The following FANCD2 variants were observed in gnomAD, a reference collection of about 807,000 sequenced individuals.
The protein encoded by FANCD2 is Fanconi anemia group D2 protein.
In FANCD2, 131 loss-of-function variants were observed where a neutral mutation model predicts 192.3. That is an observed-to-expected ratio of 0.68 (90% CI 0.59 to 0.79). The LOEUF (loss-of-function observed/expected upper bound fraction) is 0.79. Ranked by LOEUF, FANCD2 falls within the 30% of genes least tolerant of loss-of-function variation. FANCD2 has a pLI of 0.00. For synonymous variants in FANCD2, 524 were observed against 612.5 expected (o/e 0.86, Z 2.13); for missense variants, 1,508 against 1,701.6 (o/e 0.89, Z 2.00).
intron 36 of FANCD2, among the ~76,000 whole-genome samples, chr3:10,089,295 A>AAG (rs1694436860): frequency 1.3e-5 from 2 of 151,900 alleles, no homozygotes. Context: ...CAAAAAAAAA[A>AAG]AGAATCATAA....
intron 7 of FANCD2, among the ~76,000 whole-genome samples, chr3:10,037,148 A>G (rs763323915): frequency 5.3e-5 from 8 of 151,742 alleles, no homozygotes; most frequent in African/African-American, 1.7e-4. Flanking sequence ...TTTAATTACT[A>G]TGTTAAGAAA....
chr3:10,089,555 C>T (rs987153314), intron 36 of FANCD2, among the ~76,000 whole-genome samples: 3 of 152,050 alleles, frequency 2.0e-5, no homozygotes, highest in Non-Finnish European at 2.9e-5. Context: ...CTGCAACCTC[C>T]ACCTCCTGGG....
chr3:10,082,787 A>G (rs1693925514), intron 32 of FANCD2, among the ~76,000 whole-genome samples: 1 of 152,188 alleles, frequency 6.6e-6, no homozygotes, highest in Non-Finnish European at 1.5e-5. Flanking sequence ...TCATTTTATT[A>G]TAATTACTTG....
intron 14 of FANCD2, among the ~76,000 whole-genome samples, chr3:10,044,788 C>G (rs2086955489): frequency 6.6e-6 from 1 of 152,178 alleles, no homozygotes; most frequent in Admixed American, 6.5e-5. Flanking sequence ...TCAAAGTACT[C>G]CAACACACTG....
At chr3:10,084,670 A>T (rs1694072153) in intron 32 of FANCD2, among the ~76,000 whole-genome samples, 1 of 152,222 alleles carries the variant, frequency 6.6e-6, no homozygotes. Context: ...ATGGTAGACC[A>T]AAAACCTGAC....
In FANCD2 at chr3:10,096,126, G is replaced by A. The variant is rs1694943704; in HGVS notation, c.4039-200G>A. On this transcript the variant is annotated intron_variant, in intron 41 of 43. Transcript: ENST00000675286. ...ATGAAGAGGAACTAGAGGTGTTGGT[G>A]GTATGTCTTCTAGGCTTTGAATTCT... Among the ~76,000 whole-genome samples, 3 of 152,118 alleles carry A rather than the reference G, an allele frequency of 2.0e-5. No individual in the cohort carries two copies. In the South Asian group the frequency reaches 6.2e-4, roughly 32 times the overall value.
chr3:10,043,709 C>T (rs1233363613), intron 13 of FANCD2, 117 bp downstream of exon 13: 8 of 1,295,320 alleles, frequency 6.2e-6, no homozygotes, highest in Non-Finnish European at 7.8e-6. Context: ...GAAATGATAG[C>T]TGATGGTTGC....
At chr3:10,041,154 A>T (rs2086854799) in intron 9 of FANCD2, 1 of 191,754 alleles carries the variant, frequency 5.2e-6, no homozygotes, top group Non-Finnish European at 1.1e-5. Context: ...TGATGACACC[A>T]CTGTAACTGT....
chr3:10,058,736 T>G (rs2125024545), intron 18 of FANCD2, among the ~76,000 whole-genome samples: 1 of 152,342 alleles, frequency 6.6e-6, no homozygotes, highest in Non-Finnish European at 1.5e-5. Context: ...CCACACTGTT[T>G]TGACTGCTGT....
At chr3:10,058,171 C>A in intron 18 of FANCD2, 1 of 333,012 alleles carries the variant, frequency 3.0e-6, no homozygotes, top group Non-Finnish European at 5.9e-6. Flanking sequence ...GACCTGTCTT[C>A]CGCACGAAGA....
At chr3:10,034,843 T>C (rs1163743625) in intron 5 of FANCD2, 45 bp downstream of exon 5, 2 of 1,402,906 alleles carry the variant, frequency 1.4e-6, no homozygotes, top group African/African-American at 2.9e-5. Context: ...CAGTCTGTTT[T>C]GCCAACTTCA....
Position 10,036,086 on chromosome 3 carries a change from CTTTTT to C in FANCD2, c.439-186_439-182del, listed in dbSNP as rs532765216. Among the ~76,000 whole-genome samples the C allele has an allele frequency of 8.8e-5, 9 of 102,596 alleles. 1 individual carries two copies. Among genetic ancestry groups the C allele is most frequent in the African/African-American group, 2.5e-4 (6 of 23,966 alleles). 67.3% of individuals were successfully genotyped at this position (102,596 alleles called of 152,430 possible). ...TAGTTGGAAAGAGAATTATACATTTCTTTTTTTTTTTTTTTTTTTGAGTCAGAGTC... is the reference window on the plus strand; with the variant it reads ...TAGTTGGAAAGAGAATTATACATTTCTTTTTTTTTTTTTTGAGTCAGAGTC... On this transcript the variant is annotated intron_variant, in intron 6 of 43. Transcript: ENST00000675286.
rs372215382 is a variant in FANCD2, at chr3:10,064,849, G to A, written c.2142G>A (p.Pro714=). The change falls in exon 23 of 44, where the codon CCG becomes CCA. Residue 714 remains proline (P), a synonymous_variant. Transcript: ENST00000675286. Reference sequence around the variant, plus strand: ...AGGACTTTGCAAAAGATGGGGGTCCGGTGACCTCACAGGAATCAGGCCAAA... The same window carrying A: ...AGGACTTTGCAAAAGATGGGGGTCCAGTGACCTCACAGGAATCAGGCCAAA... The part of the protein sequence containing the change: ...FSQDFAKDGG[P]VTSQESGQKL... 185 of 1,613,652 alleles carry A rather than the reference G, an allele frequency of 1.1e-4. No individual in the cohort carries two copies. Among genetic ancestry groups the A allele is most frequent in the Middle Eastern group, 3.3e-4 (2 of 6,054 alleles).
intron 38 of FANCD2, among the ~76,000 whole-genome samples, chr3:10,092,997 C>T (rs1559407585): frequency 6.6e-6 from 1 of 152,100 alleles, no homozygotes; most frequent in African/African-American, 2.4e-5. Flanking sequence ...CAGCCTCATC[C>T]AGTCTTTCTT....
intron 4 of FANCD2, 35 bp from the exon 5 acceptor site, chr3:10,034,660 A>T: frequency 1.3e-6 from 2 of 1,524,394 alleles, no homozygotes; most frequent in Middle Eastern, 1.8e-4. Context: ...TAAACTAAAA[A>T]TTTTATTCTT....
At chr3:10,087,403 A>G (rs1694283390) in intron 34 of FANCD2, 139 bp downstream of exon 34, 3 of 789,912 alleles carry the variant, frequency 3.8e-6, no homozygotes, top group Non-Finnish European at 6.0e-6. Context: ...TTGCTATACC[A>G]AGAAGGTCAT....
chr3:10,046,999 C>G lies in FANCD2; in HGVS notation c.1278+276C>G, dbSNP rs1271195227. On this transcript the variant is annotated intron_variant, in intron 15 of 43. Transcript: ENST00000675286. ...GTAAATATGTACCTATTTGAACTAT[C>G]ACTCTTTAGCCATTCAAAACTGTGG... is the stretch of plus-strand genomic sequence containing the variant. Among the ~76,000 whole-genome samples the G allele has an allele frequency of 2.0e-5, 3 of 152,294 alleles. No individual in the cohort carries two copies. In the South Asian group the frequency reaches 6.2e-4, roughly 32 times the overall value.
rs1252448593 is a variant in FANCD2 at position 10,037,155 on chromosome 3, G to C, written c.491+816G>C. 2.0e-5 allele frequency among the ~76,000 whole-genome samples: 3 copies of C among 151,842 alleles called. No individual in the cohort carries two copies. In the East Asian group the frequency reaches 5.8e-4, roughly 29 times the overall value. On this transcript the variant is annotated intron_variant, in intron 7 of 43. Coordinates refer to ENST00000675286, the MANE Select transcript of FANCD2 (RefSeq NM_001018115.3). The stretch of plus-strand genomic sequence containing the variant: ...TGTTTTTTTTTAATTACTATGTTAA[G>C]AAATGAACAGCCTAATAGAAAAGTA...
At chr3:10,081,933 A>G (rs1370922819) in intron 32 of FANCD2, among the ~76,000 whole-genome samples, 1 of 152,224 alleles carries the variant, frequency 6.6e-6, no homozygotes, top group African/African-American at 2.4e-5. Context: ...TGCCCCTTAA[A>G]TACTTTTGTT....
Sources: gnomAD v4.1 joint callset for allele counts (sites outside exome capture counted in the v4.1 genomes callset) on GRCh38, gnomAD v4.1.1 for gene constraint, MANE v1.5 for transcripts, NCBI Gene and HGNC (gene_info 2026-07-23, HGNC 2026-07-21) for gene names.